Variants in ACYP2 observed in about 807,000 individuals in gnomAD.
ACYP2 encodes the protein acylphosphatase 2.
ACYP2 carries 12 observed loss-of-function variants against 11.2 expected under a neutral mutation model. The ratio of observed to expected loss-of-function variants is 1.08; its 90% CI spans 0.69 to 1.74. The LOEUF (loss-of-function observed/expected upper bound fraction) is 1.74. Among genes scored for constraint, ACYP2 ranks in the 40% most tolerant of loss-of-function variants. The pLI, the probability that ACYP2 is intolerant of heterozygous loss-of-function variation, is 0.00. For missense variants in ACYP2, 134 were observed against 101.9 expected, an observed-to-expected ratio of 1.31 and a Z score of -1.35; for synonymous variants, 43 against 32.2, an observed-to-expected ratio of 1.33 and a Z score of -1.13.
At chr2:54,255,654 T>C (rs1437133058) in intron 6 of ACYP2, 1 of 1,613,668 alleles carries the variant, frequency 6.2e-7, no homozygotes, top group Non-Finnish European at 8.5e-7. Flanking sequence ...CTTCGCCTCC[T>C]GGCTTCTCAT....
chr2:54,015,324 CATGG>C (rs1248859966), intron 2 of ACYP2, among the ~76,000 whole-genome samples: 1 of 44,962 alleles, frequency 2.2e-5, no homozygotes, highest in Non-Finnish European at 4.8e-5. Context: ...CCAGCCTGAT[CATGG>C]AGAAACCCTG....
intron 6 of ACYP2, among the ~76,000 whole-genome samples, chr2:54,211,874 C>T (rs1685341847): frequency 1.3e-5 from 2 of 152,124 alleles, no homozygotes; most frequent in South Asian, 2.1e-4. Context: ...AACTTGTATG[C>T]TTCATGATGC....
intron 4 of ACYP2, among the ~76,000 whole-genome samples, chr2:54,060,437 T>C (rs1201740538): frequency 6.6e-6 from 1 of 152,200 alleles, no homozygotes; most frequent in East Asian, 1.9e-4. Flanking sequence ...TAATGTTTTT[T>C]GATCTCTCCA....
At chr2:54,277,854 T>C (rs1688674789) in intron 6 of ACYP2, among the ~76,000 whole-genome samples, 1 of 152,224 alleles carries the variant, frequency 6.6e-6, no homozygotes, top group African/African-American at 2.4e-5. Context: ...TTTACCATGA[T>C]ATTTTTATCT....
chr2:54,298,714 A>T (rs551942597), intron 6 of ACYP2, among the ~76,000 whole-genome samples: 1 of 152,360 alleles, frequency 6.6e-6, no homozygotes, highest in South Asian at 2.1e-4. Flanking sequence ...CCCATGTCAC[A>T]CAGGAGAGCA....
At chr2:54,020,667 G>T (rs1443466657) in intron 2 of ACYP2, among the ~76,000 whole-genome samples, 6 of 152,170 alleles carry the variant, frequency 3.9e-5, no homozygotes, top group Non-Finnish European at 8.8e-5. Context: ...TTGATTAGTT[G>T]TGCGAGAATC....
intron 6 of ACYP2, among the ~76,000 whole-genome samples, chr2:54,268,656 A>G (rs1168681786): frequency 6.6e-6 from 1 of 151,552 alleles, no homozygotes; most frequent in African/African-American, 2.4e-5. Context: ...AAAAAAAAAA[A>G]AAAATTAGCT....
At chr2:54,022,165 C>A (rs999966412) in intron 2 of ACYP2, among the ~76,000 whole-genome samples, 6 of 152,038 alleles carry the variant, frequency 3.9e-5, no homozygotes, top group African/African-American at 1.4e-4. Flanking sequence ...TTTTCCCTCT[C>A]TCCTTCCCTC....
intron 4 of ACYP2, among the ~76,000 whole-genome samples, chr2:54,129,523 AT>A (rs1402278460): frequency 1.3e-5 from 2 of 151,866 alleles, no homozygotes; most frequent in Non-Finnish European, 2.9e-5. Context: ...TATATGCCTA[AT>A]GTTATGTATA....
At chr2:54,259,824 G>A (rs956228919) in intron 6 of ACYP2, among the ~76,000 whole-genome samples, 2 of 152,176 alleles carry the variant, frequency 1.3e-5, no homozygotes, top group Non-Finnish European at 2.9e-5. Context: ...GCTGGAATAA[G>A]TTTAAGAGAA....
chr2:54,178,676 C>A (rs758009544), intron 6 of ACYP2, among the ~76,000 whole-genome samples: 1 of 152,000 alleles, frequency 6.6e-6, no homozygotes, highest in African/African-American at 2.4e-5. Flanking sequence ...ACTTGTAATT[C>A]TAGGAAAAAT....
chr2:53,976,765 G>C (rs572664193), intron 2 of ACYP2, among the ~76,000 whole-genome samples: 5 of 152,136 alleles, frequency 3.3e-5, no homozygotes, highest in Admixed American at 3.3e-4. Flanking sequence ...ATTTGAACTA[G>C]AGTATATGTG....
chr2:53,978,832 A>C (rs1671615744), intron 2 of ACYP2, among the ~76,000 whole-genome samples: 1 of 152,194 alleles, frequency 6.6e-6, no homozygotes, highest in South Asian at 2.1e-4. Context: ...CTGAGGTGGG[A>C]GGATGGCCTA....
intron 4 of ACYP2, among the ~76,000 whole-genome samples, chr2:54,059,973 C>T (rs1055472758): frequency 3.9e-5 from 6 of 152,216 alleles, no homozygotes; most frequent in African/African-American, 1.2e-4. Context: ...CATCCCCAGT[C>T]CTCTAGCAAT....
In ACYP2 at chr2:54,167,517, C is replaced by T. The variant is rs192895393; in HGVS notation, c.404+28769C>T. On this transcript the variant is annotated intron_variant, in intron 6 of 6. Transcript: ENST00000607452. Reference sequence around the variant, plus strand: ...GTAGTATTTTTCTATATTTGTATCACAAATGTTATATAGATACAGATTTTT... The same window carrying T: ...GTAGTATTTTTCTATATTTGTATCATAAATGTTATATAGATACAGATTTTT... Among the ~76,000 whole-genome samples the T allele has an allele frequency of 1.3e-3, 193 of 152,238 alleles. 1 individual carries two copies. The highest frequency in any genetic ancestry group is 4.3e-3 in the African/African-American group (179 of 41,534).
intron 6 of ACYP2, among the ~76,000 whole-genome samples, chr2:54,215,872 T>A (rs1685538916): frequency 6.6e-6 from 1 of 152,210 alleles, no homozygotes. Context: ...ACTGTCTTTA[T>A]ATGGAGTTTG....
chr2:54,257,487 G>A (rs901568292), intron 6 of ACYP2, among the ~76,000 whole-genome samples: 3 of 152,148 alleles, frequency 2.0e-5, no homozygotes, highest in African/African-American at 7.2e-5. Flanking sequence ...ATCTTCTCTT[G>A]AGCCTGGAAG....
At chr2:54,022,033 C>A (rs774068327) in intron 2 of ACYP2, among the ~76,000 whole-genome samples, 2 of 152,160 alleles carry the variant, frequency 1.3e-5, no homozygotes, top group Non-Finnish European at 2.9e-5. Flanking sequence ...TATTACTGAG[C>A]TTGCTTTCCC....
At chr2:53,991,720 T>C (rs1310038212) in intron 2 of ACYP2, among the ~76,000 whole-genome samples, 4 of 152,150 alleles carry the variant, frequency 2.6e-5, no homozygotes, top group Non-Finnish European at 5.9e-5. Context: ...TCATCTCATA[T>C]ATTGATTTTA....
Sources: gnomAD v4.1 joint callset for allele counts (sites outside exome capture counted in the v4.1 genomes callset) on GRCh38, gnomAD v4.1.1 for gene constraint, MANE v1.5 for transcripts, NCBI Gene and HGNC (gene_info 2026-07-23, HGNC 2026-07-21) for gene names.